The following SYN2 variants were observed in gnomAD, a reference collection of about 807,000 sequenced individuals.
The protein encoded by SYN2 is synapsin-2.
In SYN2, 19 loss-of-function variants were observed where a neutral mutation model predicts 50.9. That is an observed-to-expected ratio of 0.37 (90% CI 0.26 to 0.55). The LOEUF is 0.55. Among genes scored for constraint, SYN2 ranks in the 20% least tolerant of loss-of-function variants. The probability of loss-of-function intolerance (pLI) is 0.81; values close to 1 mark genes in which losing one functional copy is unlikely to be tolerated. For synonymous variants in SYN2, 255 were observed against 224.9 expected (o/e 1.13, Z -1.20); for missense variants, 587 against 576.4 (o/e 1.02, Z -0.19).
chr3:12,024,410 G>A (rs1039965757), intron 1 of SYN2, among the ~76,000 whole-genome samples: 1 of 151,698 alleles, frequency 6.6e-6, no homozygotes, highest in South Asian at 2.1e-4. Flanking sequence ...CGCCCATCTC[G>A]GCCTCCCAAA....
At chr3:12,154,796 C>T (rs1285540922) in intron 5 of SYN2, among the ~76,000 whole-genome samples, 1 of 152,106 alleles carries the variant, frequency 6.6e-6, no homozygotes, top group East Asian at 1.9e-4. Flanking sequence ...AGTTGTATAA[C>T]CTCTCAGCTG....
chr3:12,170,148 C>G (rs1352945293), intron 10 of SYN2, among the ~76,000 whole-genome samples: 1 of 152,192 alleles, frequency 6.6e-6, no homozygotes, highest in African/African-American at 2.4e-5. Context: ...CAGAGGAGCA[C>G]TGGTTCCCTT....
chr3:12,035,838 C>G (rs1308626755), intron 1 of SYN2, among the ~76,000 whole-genome samples: 4 of 152,176 alleles, frequency 2.6e-5, no homozygotes, highest in African/African-American at 9.7e-5. Flanking sequence ...GAGTTCAGTC[C>G]TCATTTCCTC....
Position 12,072,437 on chromosome 3 carries a change from C to A in SYN2, c.377+67509C>A, listed in dbSNP as rs570499802. ...AAGATTTATGGCTATATTTTCTTTT[C>A]AGAATTTTATAGATTTAGCTCTTAC... On this transcript the variant is annotated intron_variant, in intron 1 of 12. Coordinates refer to ENST00000621198, the MANE Select transcript of SYN2 (RefSeq NM_133625.6). Among the ~76,000 whole-genome samples the A allele has an allele frequency of 2.6e-5, 4 of 152,202 alleles. No individual in the cohort carries two copies. The South Asian group carries it at 8.3e-4, about 32-fold the overall frequency.
chr3:12,167,111 G>T, intron 7 of SYN2, 123 bp from the exon 8 acceptor site: 1 of 953,786 alleles, frequency 1.0e-6, no homozygotes, highest in Non-Finnish European at 1.6e-6. Flanking sequence ...ACAGACCCCT[G>T]GGCTACTTGT....
intron 10 of SYN2, among the ~76,000 whole-genome samples, chr3:12,174,311 A>G (rs746267928): frequency 6.6e-6 from 1 of 151,986 alleles, no homozygotes; most frequent in Non-Finnish European, 1.5e-5. Context: ...GCAGAACTCT[A>G]GTTTTTCCCC....
In SYN2 at chr3:12,115,792, G is replaced by A. The variant is rs1037755003; in HGVS notation, c.378-24859G>A. 7.9e-5 allele frequency among the ~76,000 whole-genome samples: 12 copies of A among 152,218 alleles called. No individual in the cohort carries two copies. The South Asian group carries it at 2.5e-3, about 32-fold the overall frequency. On this transcript the variant is annotated intron_variant, in intron 1 of 12. Transcript: ENST00000621198. ...TAACTATATTTTCCCCCAGCACTCA[G>A]TACACTATGTAGCATATAGTAGGCA...
chr3:12,057,656 T>C (rs771226126), intron 1 of SYN2, among the ~76,000 whole-genome samples: 1 of 152,212 alleles, frequency 6.6e-6, no homozygotes, highest in Non-Finnish European at 1.5e-5. Context: ...TTTCTCAGCA[T>C]TTGATTCAGT....
intron 1 of SYN2, among the ~76,000 whole-genome samples, chr3:12,136,436 C>G (rs147365265): frequency 7.0e-4 from 107 of 152,224 alleles, no homozygotes; most frequent in African/African-American, 2.5e-3. Context: ...CATTATTTGC[C>G]CAAAGTCACA....
chr3:12,033,234 C>G (rs926747176), intron 1 of SYN2, among the ~76,000 whole-genome samples: 1 of 152,192 alleles, frequency 6.6e-6, no homozygotes, highest in South Asian at 2.1e-4. Context: ...GGCAGTCTGC[C>G]TGTTCTCAGA....
intron 1 of SYN2, among the ~76,000 whole-genome samples, chr3:12,020,835 A>G (rs1466812593): frequency 6.6e-6 from 1 of 152,334 alleles, no homozygotes; most frequent in African/African-American, 2.4e-5. Context: ...CACAAAGCCT[A>G]TAGTTTAGTG....
At chr3:12,029,365 T>G (rs986740403) in intron 1 of SYN2, among the ~76,000 whole-genome samples, 3 of 127,688 alleles carry the variant, frequency 2.3e-5, no homozygotes, top group African/African-American at 1.2e-4. Context: ...TGCGGGCTCT[T>G]TTTTGCTTCC....
intron 10 of SYN2, among the ~76,000 whole-genome samples, chr3:12,174,519 T>C (rs1426728901): frequency 6.6e-6 from 1 of 152,194 alleles, no homozygotes; most frequent in African/African-American, 2.4e-5. Context: ...AGTCTTGCTC[T>C]GTCACCAGGC....
chr3:12,081,237 A>G (rs1206253466), intron 1 of SYN2, among the ~76,000 whole-genome samples: 1 of 152,210 alleles, frequency 6.6e-6, no homozygotes, highest in Non-Finnish European at 1.5e-5. Context: ...TTCCTAATGC[A>G]TTGCTGTAAG....
chr3:12,154,514 A>T (rs1298916098), intron 5 of SYN2: 5 of 1,586,120 alleles, frequency 3.2e-6, no homozygotes, highest in Non-Finnish European at 4.3e-6. Context: ...CCAGGGGCCC[A>T]GGTCCTTGAA....
chr3:12,108,033 A>C (rs1696233912), intron 1 of SYN2, among the ~76,000 whole-genome samples: 1 of 152,098 alleles, frequency 6.6e-6, no homozygotes, highest in Non-Finnish European at 1.5e-5. Context: ...CAACGTGGTG[A>C]GACCCTGTCT....
intron 4 of SYN2, among the ~76,000 whole-genome samples, chr3:12,147,839 C>T (rs1422377221): frequency 2.6e-5 from 4 of 152,094 alleles, no homozygotes; most frequent in Admixed American, 6.5e-5. Context: ...TGTGGCCAGA[C>T]GTGGTGGCTC....
At chr3:12,190,434 C>T in intron 12 of SYN2, 56 bp from the exon 13 acceptor site, 1 of 1,601,466 alleles carries the variant, frequency 6.2e-7, no homozygotes, top group East Asian at 2.2e-5. Flanking sequence ...CACCGTCCTT[C>T]CCTGCCTTGC....
intron 1 of SYN2, among the ~76,000 whole-genome samples, chr3:12,134,067 A>T (rs1696844999): frequency 6.6e-6 from 1 of 152,066 alleles, no homozygotes; most frequent in African/African-American, 2.4e-5. Flanking sequence ...ATTGAAGTGT[A>T]TACGTAAAAG....
Sources: allele counts gnomAD v4.1 joint callset (sites outside exome capture counted in the v4.1 genomes callset), GRCh38; gene constraint gnomAD v4.1.1; transcripts MANE v1.5; gene names NCBI Gene and HGNC (gene_info 2026-07-23, HGNC 2026-07-21).